ARFGEF2: variants seen among roughly 807,000 people sequenced by gnomAD.
The protein encoded by ARFGEF2 is brefeldin A-inhibited guanine nucleotide-exchange protein 2.
ARFGEF2 carries 74 observed loss-of-function variants against 219.9 expected under a neutral mutation model. The ratio of observed to expected loss-of-function variants is 0.34; its 90% CI spans 0.28 to 0.41. The LOEUF is 0.41. Among genes scored for constraint, ARFGEF2 ranks in the 10% least tolerant of loss-of-function variants. ARFGEF2 has a pLI of 1.00. For synonymous variants in ARFGEF2, 733 were observed against 799.2 expected (o/e 0.92, Z 1.40); for missense variants, 1,743 against 2,218.3 (o/e 0.79, Z 4.30).
rs781075417 is a variant in ARFGEF2, at chr20:49,012,062, A to G, written c.3896A>G (p.Lys1299Arg). The G allele has an allele frequency of 1.9e-6, 3 of 1,614,224 alleles. No homozygotes were observed. In the Admixed American group the frequency reaches 5.0e-5, roughly 27 times the overall value. The part of the protein sequence containing the change: ...EAIRLIRFCG[K>R]YVSERPRVLQ... ...ATTCGGCTCATCCGCTTCTGTGGCA[A>G]ATACGTCTCTGAGAGGCCTCGGGTT... is the stretch of plus-strand genomic sequence containing the variant. The change falls in exon 28 of 39, where the codon AAA becomes AGA. Residue 1299 changes from lysine to arginine, a missense_variant. Physicochemically the swap from Lys to Arg is conservative, Grantham distance 26. Coordinates refer to ENST00000371917, the MANE Select transcript of ARFGEF2 (RefSeq NM_006420.3).
intron 30 of ARFGEF2, among the ~76,000 whole-genome samples, chr20:49,014,433 A>G (rs1466546837): frequency 2.0e-5 from 3 of 152,068 alleles, no homozygotes; most frequent in Non-Finnish European, 1.5e-5. Flanking sequence ...GTGAAAGGGT[A>G]TTCTAGGCTC....
chr20:48,978,201 GC>G (rs2123434552), intron 14 of ARFGEF2, among the ~76,000 whole-genome samples: 1 of 152,288 alleles, frequency 6.6e-6, no homozygotes, highest in African/African-American at 2.4e-5. Flanking sequence ...CATATGGCTA[GC>G]CAGTTTTCCC....
intron 6 of ARFGEF2, among the ~76,000 whole-genome samples, chr20:48,954,158 A>G (rs2091091377): frequency 6.6e-6 from 1 of 152,174 alleles, no homozygotes; most frequent in Non-Finnish European, 1.5e-5. Flanking sequence ...TCTACACTGG[A>G]TCTCCATGCC....
In ARFGEF2 at chr20:49,017,350, T is replaced by C; in HGVS notation, c.4417T>C (p.Cys1473Arg). ...TGAAGTCTGGGATGAAACCTGCAACTGTATGTTGGATATTTTCAAAACAAC... is the reference window on the plus strand; with the variant it reads ...TGAAGTCTGGGATGAAACCTGCAACCGTATGTTGGATATTTTCAAAACAAC... ...SPEVWDETCN[C>R]MLDIFKTTIP... is the part of the protein sequence containing the mutation. Residue 1473 changes from cysteine to arginine, a missense_variant, in exon 32 of 39, where the codon TGT (cysteine) becomes CGT (arginine). By Grantham distance (180) the Cys-to-Arg change is radical. This residue lies in a region of ARFGEF2 where 578 missense variants were observed against 664.0 expected (regional missense o/e 0.87). Coordinates refer to ENST00000371917, the MANE Select transcript of ARFGEF2 (RefSeq NM_006420.3). The C allele has an allele frequency of 6.2e-7, 1 of 1,614,122 alleles. No homozygotes were observed. Among genetic ancestry groups the C allele is most frequent in the Admixed American group, 1.7e-5 (1 of 60,032 alleles).
chr20:48,988,688 T>G (rs2091340467), intron 18 of ARFGEF2, 26 bp downstream of exon 18: 1 of 1,606,506 alleles, frequency 6.2e-7, no homozygotes, highest in Non-Finnish European at 8.5e-7. Context: ...AAATTATTTC[T>G]TTTAGTTCTA....
chr20:49,030,386 C>G (rs1460267089), intron 37 of ARFGEF2, among the ~76,000 whole-genome samples: 1 of 148,940 alleles, frequency 6.7e-6, no homozygotes, highest in Non-Finnish European at 1.5e-5. Flanking sequence ...TCTCGAACTC[C>G]TGGGCTTACG....
chr20:48,985,990 T>C (rs1034633489), intron 16 of ARFGEF2, among the ~76,000 whole-genome samples: 11 of 149,724 alleles, frequency 7.3e-5, no homozygotes, highest in African/African-American at 2.7e-4. Flanking sequence ...GGATTTTGGT[T>C]TTTCTTTAAT....
chr20:48,975,015 T>A, intron 13 of ARFGEF2, 141 bp downstream of exon 13: 1 of 716,886 alleles, frequency 1.4e-6, no homozygotes, highest in South Asian at 1.5e-5. Context: ...TTGAAAGTCC[T>A]GCTTTTTATT....
intron 8 of ARFGEF2, among the ~76,000 whole-genome samples, chr20:48,966,642 TGTGA>T (rs2091189270): frequency 1.3e-5 from 2 of 152,308 alleles, no homozygotes; most frequent in Admixed American, 6.5e-5. Flanking sequence ...AGTAATATGA[TGTGA>T]GTGTCCCTCT....
chr20:48,961,049 G>A (rs1224609863), intron 6 of ARFGEF2, among the ~76,000 whole-genome samples: 1 of 147,180 alleles, frequency 6.8e-6, no homozygotes, highest in Non-Finnish European at 1.5e-5. Context: ...CACTGCACTC[G>A]ACCCTGGCAA....
chr20:49,007,531 C>T (rs1009725189), intron 26 of ARFGEF2, among the ~76,000 whole-genome samples: 4 of 151,334 alleles, frequency 2.6e-5, no homozygotes, highest in African/African-American at 9.7e-5. Flanking sequence ...TCAAGTGATC[C>T]ACCTGCCTTG....
Position 49,010,286 on chromosome 20 carries a change from C to T in ARFGEF2, c.3639C>T (p.Ser1213=). ...GCTGCATTGCCCAGATGGTGAACTC[C>T]CAGGCGGCCAACATCCGCTCAGGTT... is the stretch of plus-strand genomic sequence containing the variant. ...AIRCIAQMVN[S]QAANIRSGWK... The change falls in exon 27 of 39, where the codon TCC becomes TCT. Residue 1213 remains serine, a synonymous_variant. Coordinates refer to ENST00000371917, the MANE Select transcript of ARFGEF2 (RefSeq NM_006420.3). The T allele has an allele frequency of 6.2e-7, 1 of 1,614,034 alleles. No individual in the cohort carries two copies. The highest frequency in any genetic ancestry group is 8.5e-7 in the Non-Finnish European group (1 of 1,179,984).
intron 4 of ARFGEF2, 108 bp from the exon 5 acceptor site, chr20:48,952,595 AGC>A (rs766485274): frequency 5.7e-5 from 61 of 1,072,416 alleles, no homozygotes; most frequent in Non-Finnish European, 8.4e-5. Context: ...ATTTGAAAAA[AGC>A]ACACAGAAAA....
rs1359378503 is a variant in ARFGEF2 at position 48,985,566 on chromosome 20, C to T, written c.2229C>T (p.Asp743=). The change falls in exon 16 of 39, where the codon GAC becomes GAT. Residue 743 remains aspartate (D), a synonymous_variant. Coordinates refer to ENST00000371917, the MANE Select transcript of ARFGEF2 (RefSeq NM_006420.3). The part of the protein sequence containing the change: ...FRLPGEAQKI[D]RLMEKFAARY... ...TACCTGGAGAAGCCCAAAAGATTGA[C>T]CGATTAATGGAGAAGTTTGCCGCAA... 2 of 1,614,090 alleles carry T rather than the reference C, an allele frequency of 1.2e-6. No homozygotes were observed. Among genetic ancestry groups the T allele is most frequent in the South Asian group, 1.1e-5 (1 of 91,090 alleles).
intron 30 of ARFGEF2, among the ~76,000 whole-genome samples, chr20:49,014,676 A>G (rs1207221657): frequency 1.3e-5 from 2 of 152,182 alleles, no homozygotes; most frequent in African/African-American, 4.8e-5. Context: ...CTATAATCCC[A>G]GCATTTTGGG....
intron 14 of ARFGEF2, among the ~76,000 whole-genome samples, 180 bp downstream of exon 14, chr20:48,976,379 A>G (rs1454026575): frequency 2.0e-5 from 3 of 152,228 alleles, no homozygotes; most frequent in Non-Finnish European, 4.4e-5. Context: ...GTCTGTGCAC[A>G]CAGAGAGAGA....
At chr20:48,956,813 C>A (rs1004374092) in intron 6 of ARFGEF2, among the ~76,000 whole-genome samples, 1 of 152,164 alleles carries the variant, frequency 6.6e-6, no homozygotes, top group Non-Finnish European at 1.5e-5. Flanking sequence ...CTCCTGACCT[C>A]AGGTGATCCA....
intron 1 of ARFGEF2, 47 bp downstream of exon 1, chr20:48,922,057 G>C: frequency 6.4e-7 from 1 of 1,551,354 alleles, no homozygotes; most frequent in Non-Finnish European, 8.7e-7. Context: ...TCAGCACGTC[G>C]GCCGTTGCCC....
intron 34 of ARFGEF2, among the ~76,000 whole-genome samples, chr20:49,019,998 G>A (rs2091556149): frequency 6.6e-6 from 1 of 152,224 alleles, no homozygotes; most frequent in South Asian, 2.1e-4. Context: ...ACTGTACTGT[G>A]TGTTCCATGT....
Sources: allele counts gnomAD v4.1 joint callset (sites outside exome capture counted in the v4.1 genomes callset), GRCh38; gene constraint gnomAD v4.1.1; regional missense constraint gnomAD v4.1.1; transcripts MANE v1.5; gene names NCBI Gene and HGNC (gene_info 2026-07-23, HGNC 2026-07-21).